The following NELL1 variants were observed in gnomAD, a reference collection of about 807,000 sequenced individuals.
NELL1 encodes the protein protein kinase C-binding protein NELL1.
NELL1 carries 76 observed loss-of-function variants against 107.4 expected under a neutral mutation model. The observed-to-expected ratio is 0.71, with a 90% CI of 0.59 to 0.86. The LOEUF is 0.86. Among genes scored for constraint, NELL1 ranks in the 40% least tolerant of loss-of-function variants. NELL1 has a pLI of 0.00. For synonymous variants in NELL1, 353 were observed against 341.2 expected (o/e 1.03, Z -0.38); for missense variants, 1,024 against 1,005.5 (o/e 1.02, Z -0.25).
chr11:21,290,335 C>G (rs1277128072), intron 14 of NELL1, among the ~76,000 whole-genome samples: 1 of 151,528 alleles, frequency 6.6e-6, no homozygotes, highest in African/African-American at 2.4e-5. Context: ...CGCCACCGCA[C>G]TCCAGCCTGG....
chr11:20,723,682 G>T (rs1471718219), intron 2 of NELL1, among the ~76,000 whole-genome samples: 1 of 152,130 alleles, frequency 6.6e-6, no homozygotes, highest in African/African-American at 2.4e-5. Context: ...TCTAGAGAAT[G>T]GTGGCCCTCT....
At chr11:21,312,534 C>G (rs571850030) in intron 14 of NELL1, among the ~76,000 whole-genome samples, 2 of 152,228 alleles carry the variant, frequency 1.3e-5, no homozygotes, top group South Asian at 4.2e-4. Flanking sequence ...GCTTCAGTAC[C>G]TTACATTTTC....
intron 12 of NELL1, among the ~76,000 whole-genome samples, chr11:21,072,516 G>C (rs1854038856): frequency 6.6e-6 from 1 of 152,130 alleles, no homozygotes; most frequent in African/African-American, 2.4e-5. Flanking sequence ...CATTCTTCAT[G>C]CTGCAAGTTC....
chr11:20,895,723 G>C (rs973520756), intron 5 of NELL1, among the ~76,000 whole-genome samples: 1 of 151,826 alleles, frequency 6.6e-6, no homozygotes, highest in African/African-American at 2.4e-5. Context: ...GGCCAGGCTG[G>C]TCTTGAACTC....
At chr11:21,326,688 T>C (rs1484338534) in intron 14 of NELL1, among the ~76,000 whole-genome samples, 1 of 152,098 alleles carries the variant, frequency 6.6e-6, no homozygotes, top group African/African-American at 2.4e-5. Flanking sequence ...CCCTCAGTTT[T>C]TACTGTCTGA....
intron 15 of NELL1, among the ~76,000 whole-genome samples, chr11:21,481,583 A>G (rs535378284): frequency 1.2e-4 from 18 of 152,192 alleles, no homozygotes; most frequent in Non-Finnish European, 2.2e-4. Context: ...ATTGCTGATG[A>G]GAATAGATAT....
At chr11:21,127,111 A>G (rs1190071749) in intron 13 of NELL1, among the ~76,000 whole-genome samples, 1 of 152,186 alleles carries the variant, frequency 6.6e-6, no homozygotes, top group African/African-American at 2.4e-5. Context: ...ATTGTTTTCA[A>G]GAGAAGACTG....
intron 5 of NELL1, among the ~76,000 whole-genome samples, chr11:20,890,662 T>A (rs550167130): frequency 2.6e-5 from 4 of 151,996 alleles, no homozygotes; most frequent in African/African-American, 7.2e-5. Flanking sequence ...TAGAGAGGAA[T>A]ATGAACAACG....
intron 15 of NELL1, among the ~76,000 whole-genome samples, chr11:21,378,279 ATATATATT>A (rs1300451800): frequency 2.2e-5 from 3 of 138,046 alleles, no homozygotes; most frequent in Non-Finnish European, 4.8e-5. Context: ...ATATATATAT[ATATATATT>A]ATAGATAATC....
intron 12 of NELL1, among the ~76,000 whole-genome samples, chr11:21,109,600 A>G (rs1233088753): frequency 6.6e-6 from 1 of 152,190 alleles, no homozygotes; most frequent in African/African-American, 2.4e-5. Context: ...TAGCATACTA[A>G]TTGCTTTGGT....
At chr11:20,858,374 T>C (rs530002329) in intron 4 of NELL1, among the ~76,000 whole-genome samples, 1 of 152,304 alleles carries the variant, frequency 6.6e-6, no homozygotes, top group East Asian at 1.9e-4. Context: ...ATACCAAGTG[T>C]TGGCAAAGTA....
intron 4 of NELL1, among the ~76,000 whole-genome samples, chr11:20,874,900 C>T (rs1849273866): frequency 6.6e-6 from 1 of 152,198 alleles, no homozygotes; most frequent in African/African-American, 2.4e-5. Flanking sequence ...TTATGGCCTC[C>T]CTAATCTTTA....
chr11:20,794,270 A>G (rs1857128904), intron 3 of NELL1, among the ~76,000 whole-genome samples: 1 of 152,182 alleles, frequency 6.6e-6, no homozygotes. Context: ...TGATTGGTTG[A>G]GGTGTTACCT....
intron 15 of NELL1, among the ~76,000 whole-genome samples, chr11:21,480,938 T>C (rs914928025): frequency 5.3e-5 from 8 of 152,162 alleles, no homozygotes; most frequent in Non-Finnish European, 8.8e-5. Flanking sequence ...TCTTTTCTGG[T>C]TTATGACTAT....
At chr11:20,707,537 G>A (rs1242839083) in intron 2 of NELL1, among the ~76,000 whole-genome samples, 4 of 152,210 alleles carry the variant, frequency 2.6e-5, no homozygotes, top group Non-Finnish European at 5.9e-5. Flanking sequence ...GTGATGTACA[G>A]ATTGGGTTTT....
chr11:21,119,934 C>A (rs965024533), intron 13 of NELL1, among the ~76,000 whole-genome samples: 1 of 152,162 alleles, frequency 6.6e-6, no homozygotes, highest in Admixed American at 6.6e-5. Flanking sequence ...TGATTTACAA[C>A]AAAAGCATGC....
intron 2 of NELL1, among the ~76,000 whole-genome samples, chr11:20,776,636 T>G (rs1265682659): frequency 6.6e-6 from 1 of 152,010 alleles, no homozygotes; most frequent in East Asian, 1.9e-4. Flanking sequence ...GCAATTAAAC[T>G]GTTATCAGAA....
intron 14 of NELL1, among the ~76,000 whole-genome samples, chr11:21,256,363 AGAACT>A (rs1291147888): frequency 6.6e-6 from 1 of 152,084 alleles, no homozygotes; most frequent in Non-Finnish European, 1.5e-5. Flanking sequence ...TGTAGTTAAC[AGAACT>A]GAAGAGCTAC....
At chr11:21,029,910 C>T (rs1290166362) in intron 12 of NELL1, among the ~76,000 whole-genome samples, 2 of 152,132 alleles carry the variant, frequency 1.3e-5, no homozygotes, top group Non-Finnish European at 2.9e-5. Flanking sequence ...TGATGGCAGG[C>T]GCATTATACC....
Sources: allele counts gnomAD v4.1 joint callset (sites outside exome capture counted in the v4.1 genomes callset), GRCh38; gene constraint gnomAD v4.1.1; transcripts MANE v1.5; gene names NCBI Gene and HGNC (gene_info 2026-07-23, HGNC 2026-07-21).